Variants in ZNF555 observed in about 807,000 individuals in gnomAD.
The protein encoded by ZNF555 is zinc finger protein 555.
A neutral mutation model predicts 14.0 loss-of-function variants in ZNF555; 10 were observed. The ratio of observed to expected loss-of-function variants is 0.72; its 90% CI spans 0.44 to 1.21. The LOEUF (loss-of-function observed/expected upper bound fraction) is 1.21. Among genes scored for constraint, ZNF555 ranks in the 50% most tolerant of loss-of-function variants. The pLI, the probability that ZNF555 is intolerant of heterozygous loss-of-function variation, is 0.00. For missense variants in ZNF555, 747 were observed against 762.0 expected (o/e 0.98, Z 0.23); for synonymous variants, 277 against 262.4 (o/e 1.06, Z -0.54).
intron 1 of ZNF555, among the ~76,000 whole-genome samples, chr19:2,846,220 TC>T (rs753109843): frequency 6.4e-4 from 97 of 152,262 alleles, no homozygotes; most frequent in Non-Finnish European, 1.2e-3. Context: ...CCTGGAGATG[TC>T]CTTTGTGGGA....
rs535414259 is a variant in ZNF555 at position 2,850,510 on chromosome 19, C to A, written c.4-77C>A. The A allele has an allele frequency of 1.4e-4, 218 of 1,558,626 alleles. 1 individual carries two copies. In the African/African-American group the frequency reaches 2.1e-3, roughly 15 times the overall value. ...AGGGAATCACAGAATCTTGTTTGAA[C>A]TACATACGAATTGAGTACAATGCTC... On this transcript the variant is annotated intron_variant, in intron 1 of 3. Coordinates refer to ENST00000334241, the MANE Select transcript of ZNF555 (RefSeq NM_152791.5).
chr19:2,851,392 A>G, intron 2 of ZNF555, 76 bp from the exon 3 acceptor site: 1 of 1,227,940 alleles, frequency 8.1e-7, no homozygotes, highest in Non-Finnish European at 1.1e-6. Flanking sequence ...TGAAGTCCTG[A>G]GATAGCTAAA....
chr19:2,842,940 G>T (rs1489223605), intron 1 of ZNF555, among the ~76,000 whole-genome samples: 1 of 152,104 alleles, frequency 6.6e-6, no homozygotes, highest in Non-Finnish European at 1.5e-5. Context: ...CTACTCGGGA[G>T]GCTGAGGCGG....
Position 2,853,430 on chromosome 19 carries a change from G to A in ZNF555, c.1365G>A (p.Lys455=). The A allele has an allele frequency of 1.2e-6, 2 of 1,614,156 alleles. No individual in the cohort carries two copies. The highest frequency in any genetic ancestry group is 1.7e-6 in the Non-Finnish European group (2 of 1,180,014). The stretch of plus-strand genomic sequence containing the variant: ...CTAGAGAGAAACCCTATGAATGTAA[G>A]CAGTGTGGGAAAGCCTTCAGCTTGT... ...THTREKPYEC[K]QCGKAFSLSA... is the part of the protein sequence containing the mutation. The change falls in exon 4 of 4, where the codon AAG becomes AAA. Residue 455 remains lysine, a synonymous_variant. Transcript: ENST00000334241.
At chr19:2,848,956 A>C (rs908434329) in intron 1 of ZNF555, among the ~76,000 whole-genome samples, 1 of 152,204 alleles carries the variant, frequency 6.6e-6, no homozygotes, top group Non-Finnish European at 1.5e-5. Context: ...AGCCGTTCTA[A>C]GGATAGAGTC....
rs2087703769 is a variant in ZNF555 at position 2,858,590 on chromosome 19, C to T, written c.*4638C>T. 1 of 152,278 alleles carries T rather than the reference C, an allele frequency of 6.6e-6. No homozygotes were observed. The highest frequency in any genetic ancestry group is 2.1e-4 in the South Asian group (1 of 4,830). The allele number at this position is 152,278 out of a possible 1,614,324, so 9.4% of individuals were successfully genotyped here. On this transcript the variant is annotated 3_prime_UTR_variant, in exon 4 of 4. Coordinates refer to ENST00000334241, the MANE Select transcript of ZNF555 (RefSeq NM_152791.5). ...TCTCATCTCAAGCTCAGCTCTGTGT[C>T]TTCATGCTGGGAAACGTCTTTATGG...
intron 1 of ZNF555, among the ~76,000 whole-genome samples, chr19:2,846,315 A>G (rs1390363187): frequency 1.3e-5 from 2 of 152,140 alleles, no homozygotes; most frequent in Non-Finnish European, 2.9e-5. Context: ...AATTCAGAGC[A>G]CTCACAGCTG....
At chr19:2,845,346 T>C (rs2087573627) in intron 1 of ZNF555, among the ~76,000 whole-genome samples, 2 of 152,198 alleles carry the variant, frequency 1.3e-5, no homozygotes, top group Admixed American at 1.3e-4. Context: ...ATGGACCACA[T>C]TTTCTTTAGT....
At chr19:2,849,983 C>T (rs1294339155) in intron 1 of ZNF555, among the ~76,000 whole-genome samples, 1 of 152,160 alleles carries the variant, frequency 6.6e-6, no homozygotes, top group Non-Finnish European at 1.5e-5. Context: ...TCTACGTTCT[C>T]GTGTCTTTTT....
At position 2,859,105 on chromosome 19, in the gene ZNF555, C is replaced by T. The variant is rs1163915718; in HGVS notation, c.*5153C>T. On this transcript the variant is annotated 3_prime_UTR_variant, in exon 4 of 4. Transcript: ENST00000334241. ...AGTTCCCGAACAGAAGCCCCTCAGT[C>T]TCCGGAAGCCCCGCCCGGCAGACTG... The T allele has an allele frequency of 6.6e-6, 1 of 152,302 alleles. No homozygotes were observed. The highest frequency in any genetic ancestry group is 2.4e-5 in the African/African-American group (1 of 41,468). The allele number at this position is 152,302 out of a possible 1,614,324, so 9.4% of individuals were successfully genotyped here. A position where few individuals can be genotyped will look rare whatever the true frequency, so the allele number is the denominator to read the frequency against.
Position 2,856,648 on chromosome 19 carries a change from C to G in ZNF555, c.*2696C>G, listed in dbSNP as rs1276336156. 1 of 152,194 alleles carries G rather than the reference C, an allele frequency of 6.6e-6. No homozygotes were observed. Among genetic ancestry groups the G allele is most frequent in the East Asian group, 1.9e-4 (1 of 5,206 alleles). 9.4% of individuals were successfully genotyped at this position (152,194 alleles called of 1,614,324 possible). Reference sequence around the variant, plus strand: ...TTGAGTTGAAGTTTGAACACATGATCAAGAAAGGGCTGTGGCTTGTATCAG... The same window carrying G: ...TTGAGTTGAAGTTTGAACACATGATGAAGAAAGGGCTGTGGCTTGTATCAG... On this transcript the variant is annotated 3_prime_UTR_variant, in exon 4 of 4. Transcript: ENST00000334241.
At position 2,857,502 on chromosome 19, in the gene ZNF555, G is replaced by C. The variant is rs891165667; in HGVS notation, c.*3550G>C. On this transcript the variant is annotated 3_prime_UTR_variant, in exon 4 of 4. Coordinates refer to ENST00000334241, the MANE Select transcript of ZNF555 (RefSeq NM_152791.5). Reference sequence around the variant, plus strand: ...AAGACATGGAAAAGGCAAAGATAAGGGAAACGAACAAATCGCTGGTTAGAA... The same window carrying C: ...AAGACATGGAAAAGGCAAAGATAAGCGAAACGAACAAATCGCTGGTTAGAA... 1 of 152,164 alleles carries C rather than the reference G, an allele frequency of 6.6e-6. No individual in the cohort carries two copies. Among genetic ancestry groups the C allele is most frequent in the African/African-American group, 2.4e-5 (1 of 41,432 alleles). The allele number at this position is 152,164 out of a possible 1,614,324, so 9.4% of individuals were successfully genotyped here.
chr19:2,848,689 C>T (rs1322943256), intron 1 of ZNF555, among the ~76,000 whole-genome samples: 2 of 152,138 alleles, frequency 1.3e-5, no homozygotes, highest in Non-Finnish European at 2.9e-5. Context: ...CTCAAGTGAT[C>T]CGCCTGCCTC....
At chr19:2,852,270 G>A (rs938135279) in intron 3 of ZNF555, 110 bp from the exon 4 acceptor site, 14 of 1,323,868 alleles carry the variant, frequency 1.1e-5, no homozygotes, top group Non-Finnish European at 1.4e-5. Flanking sequence ...CAGTTCCCAT[G>A]GGGTGAAAAA....
chr19:2,852,588 C>T lies in ZNF555; in HGVS notation c.523C>T (p.Gln175Ter), dbSNP rs1175057116. 3 of 1,614,144 alleles carry T rather than the reference C, an allele frequency of 1.9e-6. No individual in the cohort carries two copies. In the Admixed American group the frequency reaches 5.0e-5, roughly 27 times the overall value. Residue 175 changes from glutamine to a stop codon, truncating the protein, a stop_gained, in exon 4 of 4, where the codon CAG (glutamine) becomes TAG (stop). Coordinates refer to ENST00000334241, the MANE Select transcript of ZNF555 (RefSeq NM_152791.5). LOFTEE classifies it low-confidence loss of function (END_TRUNC). The stretch of plus-strand genomic sequence containing the variant: ...CACTGGACACAAACCATATCAGTGC[C>T]AGGAATGTGGGCAGGCCTACAGTTG... ...VHTGHKPYQC[Q>*]ECGQAYSCRS...
At chr19:2,844,093 CTTTTCTTTT>C (rs2087561955) in intron 1 of ZNF555, among the ~76,000 whole-genome samples, 1 of 131,946 alleles carries the variant, frequency 7.6e-6, no homozygotes, top group African/African-American at 2.8e-5. Flanking sequence ...CTCTCTCTCT[CTTTTCTTTT>C]TTTTTTTTTT....
At chr19:2,850,907 T>C (rs1402339231) in intron 2 of ZNF555, among the ~76,000 whole-genome samples, 194 bp downstream of exon 2, 1 of 152,212 alleles carries the variant, frequency 6.6e-6, no homozygotes, top group African/African-American at 2.4e-5. Context: ...CAGCTTTTTA[T>C]TTTTGTAGAG....
At chr19:2,844,177 A>C (rs1051116049) in intron 1 of ZNF555, among the ~76,000 whole-genome samples, 38 of 138,558 alleles carry the variant, frequency 2.7e-4, no homozygotes, top group Non-Finnish European at 5.6e-4. Flanking sequence ...AACTTGGCTC[A>C]CTGCAATCTC....
chr19:2,844,228 G>T (rs988692799), intron 1 of ZNF555, among the ~76,000 whole-genome samples: 22 of 151,728 alleles, frequency 1.4e-4, no homozygotes, highest in African/African-American at 5.3e-4. Flanking sequence ...TCAGCCTCCT[G>T]AGTAGCTGGG....
Sources: allele counts gnomAD v4.1 joint callset (sites outside exome capture counted in the v4.1 genomes callset), GRCh38; gene constraint gnomAD v4.1.1; transcripts MANE v1.5; gene names NCBI Gene and HGNC (gene_info 2026-07-23, HGNC 2026-07-21).